CAMK2D: variants seen among roughly 807,000 people sequenced by gnomAD.
The protein encoded by CAMK2D is calcium/calmodulin-dependent protein kinase type II subunit delta.
A neutral mutation model predicts 84.0 loss-of-function variants in CAMK2D; 37 were observed. The ratio of observed to expected loss-of-function variants is 0.44; its 90% CI spans 0.34 to 0.58. The LOEUF (loss-of-function observed/expected upper bound fraction) is 0.58, where lower values mean the gene tolerates loss of function less well. CAMK2D is among the 20% of genes least tolerant of loss of function. The probability of loss-of-function intolerance (pLI) is 0.02; values close to 1 mark genes in which losing one functional copy is unlikely to be tolerated. For missense variants in CAMK2D, 448 were observed against 652.5 expected (o/e 0.69, Z 3.41); for synonymous variants, 202 against 212.5 (o/e 0.95, Z 0.43).
intron 16 of CAMK2D, among the ~76,000 whole-genome samples, chr4:113,494,022 G>A (rs1313682770): frequency 6.6e-6 from 1 of 152,082 alleles, no homozygotes; most frequent in Non-Finnish European, 1.5e-5. Context: ...CTCTGTATTG[G>A]TTATTCTAGT....
intron 2 of CAMK2D, among the ~76,000 whole-genome samples, chr4:113,725,335 T>C (rs2099542701): frequency 6.6e-6 from 1 of 152,028 alleles, no homozygotes; most frequent in African/African-American, 2.4e-5. Context: ...TTTTGCAGAG[T>C]GGAAACAGGG....
intron 2 of CAMK2D, among the ~76,000 whole-genome samples, chr4:113,664,481 G>A (rs2099249969): frequency 6.6e-6 from 1 of 152,182 alleles, no homozygotes; most frequent in Admixed American, 6.5e-5. Context: ...TGGCATAGTT[G>A]TTGGCAGTAC....
At position 113,454,366 on chromosome 4, in the gene CAMK2D, A is replaced by C; in HGVS notation, c.*179T>G. The C allele has an allele frequency of 1.7e-6, 1 of 585,372 alleles. No homozygotes were observed. Among genetic ancestry groups the C allele is most frequent in the Non-Finnish European group, 3.2e-6 (1 of 316,058 alleles). The allele number at this position is 585,372 out of a possible 1,614,324, so 36.3% of individuals were successfully genotyped here. On this transcript the variant is annotated 3_prime_UTR_variant, in exon 21 of 21. Transcript: ENST00000511664. ...CAATGTATAGGAAGGAATATATGAT[A>C]AGATGATGCATCACATATGCATTAC...
At chr4:113,619,713 A>G (rs1447034808) in intron 3 of CAMK2D, among the ~76,000 whole-genome samples, 2 of 152,188 alleles carry the variant, frequency 1.3e-5, no homozygotes, top group African/African-American at 4.8e-5. Context: ...TTTTGTAAAT[A>G]CAGATTTTTT....
intron 8 of CAMK2D, among the ~76,000 whole-genome samples, chr4:113,521,514 G>A (rs139350343): frequency 2.4e-4 from 37 of 152,146 alleles, no homozygotes; most frequent in African/African-American, 8.7e-4. Context: ...ATAGTATCTA[G>A]AGACCAAGAT....
intron 2 of CAMK2D, among the ~76,000 whole-genome samples, chr4:113,743,409 G>A (rs2099597137): frequency 6.6e-6 from 1 of 152,156 alleles, no homozygotes; most frequent in Non-Finnish European, 1.5e-5. Context: ...TAGATTCAAG[G>A]CCTGTACCTG....
intron 12 of CAMK2D, among the ~76,000 whole-genome samples, chr4:113,511,205 G>C (rs114764507): frequency 0.011 from 1,685 of 152,194 alleles, 31 homozygotes; most frequent in African/African-American, 0.038. Context: ...GAGCATGTTT[G>C]GCAATGAAAT....
In CAMK2D at chr4:113,462,338, G is replaced by GTCTATCTATCTATCTA. The variant is rs1215010791; in HGVS notation, c.1212-2113_1212-2098dup. On this transcript the variant is annotated intron_variant, in intron 17 of 20. Coordinates refer to ENST00000511664, the MANE Select transcript of CAMK2D (RefSeq NM_001321571.2). ...TGTCTGTCTGTCTGTCTGTCTGTCT[G>GTCTATCTATCTATCTA]TCTATCTATCTATCTATCTATCTAT... Among the ~76,000 whole-genome samples, 356 of 130,462 alleles carry GTCTATCTATCTATCTA rather than the reference G, an allele frequency of 2.7e-3. 3 individuals are homozygous for GTCTATCTATCTATCTA. The highest frequency in any genetic ancestry group is 6.4e-3 in the African/African-American group (215 of 33,548). The allele number at this position is 130,462 out of a possible 152,430, so 85.6% of individuals were successfully genotyped here.
chr4:113,534,380 ACT>A (rs1380876246), intron 7 of CAMK2D, among the ~76,000 whole-genome samples: 4 of 152,126 alleles, frequency 2.6e-5, no homozygotes, highest in Non-Finnish European at 2.9e-5. Flanking sequence ...AAGTTTAGAC[ACT>A]CTGTTTTTCT....
At chr4:113,512,823 G>A (rs1020698920) in intron 12 of CAMK2D, among the ~76,000 whole-genome samples, 4 of 152,022 alleles carry the variant, frequency 2.6e-5, no homozygotes, top group Non-Finnish European at 5.9e-5. Flanking sequence ...CACCTGCCTC[G>A]GCCTCCCAAA....
intron 2 of CAMK2D, among the ~76,000 whole-genome samples, chr4:113,705,711 C>G (rs1210982429): frequency 6.6e-6 from 1 of 152,178 alleles, no homozygotes; most frequent in Non-Finnish European, 1.5e-5. Flanking sequence ...CTCCATAGAT[C>G]TCCTTAGACT....
At chr4:113,562,761 G>C (rs1375401536) in intron 4 of CAMK2D, among the ~76,000 whole-genome samples, 1 of 152,116 alleles carries the variant, frequency 6.6e-6, no homozygotes. Context: ...CAAGTGTTAG[G>C]CAACTAATTT....
rs562912419 is a variant in CAMK2D at position 113,503,023 on chromosome 4, T to C, written c.1045-46A>G. On this transcript the variant is annotated intron_variant, in intron 14 of 20. Coordinates refer to ENST00000511664, the MANE Select transcript of CAMK2D (RefSeq NM_001321571.2). ...GAAAGAAACAGTTCGCATTGGTAAG[T>C]ACATTCTTTCTAGTGTGAAGGACAG... 4 of 1,360,206 alleles carry C rather than the reference T, an allele frequency of 2.9e-6. No homozygotes were observed. In the African/African-American group the frequency reaches 4.3e-5, roughly 15 times the overall value. 84.3% of individuals were successfully genotyped at this position (1,360,206 alleles called of 1,614,324 possible).
intron 2 of CAMK2D, among the ~76,000 whole-genome samples, chr4:113,667,879 A>G (rs1208185150): frequency 6.6e-6 from 1 of 152,182 alleles, no homozygotes; most frequent in African/African-American, 2.4e-5. Flanking sequence ...TCCTACAACT[A>G]TATAGGATGA....
At chr4:113,576,392 A>C (rs2098782620) in intron 4 of CAMK2D, among the ~76,000 whole-genome samples, 1 of 87,144 alleles carries the variant, frequency 1.1e-5, no homozygotes, top group African/African-American at 3.2e-5. Context: ...ATAGAGACTT[A>C]AAACAATGAA....
intron 2 of CAMK2D, among the ~76,000 whole-genome samples, chr4:113,750,683 T>C (rs945433855): frequency 6.6e-6 from 1 of 152,220 alleles, no homozygotes; most frequent in Non-Finnish European, 1.5e-5. Context: ...GCAACTATTA[T>C]CTACCAAACC....
chr4:113,527,816 T>A (rs1334785983), intron 8 of CAMK2D, among the ~76,000 whole-genome samples: 6 of 152,198 alleles, frequency 3.9e-5, no homozygotes, highest in Non-Finnish European at 8.8e-5. Flanking sequence ...GATGTTTTGA[T>A]ATTTACAGAT....
chr4:113,677,753 A>G (rs980761431), intron 2 of CAMK2D: 3 of 152,530 alleles, frequency 2.0e-5, no homozygotes, highest in Admixed American at 2.0e-4. Flanking sequence ...ATATGAGCTG[A>G]ATGACAGGCA....
chr4:113,542,860 ATCTC>A lies in CAMK2D; in HGVS notation c.414+4780_414+4783del, dbSNP rs778171616. ...ACATCTCCAAATTCTCTTCATTAAA[ATCTC>A]TCTCTTTCTCTCTCTCTCATATTCA... On this transcript the variant is annotated intron_variant, in intron 6 of 20. Transcript: ENST00000511664. Among the ~76,000 whole-genome samples the A allele has an allele frequency of 3.3e-5, 5 of 152,098 alleles. No homozygotes were observed. In the East Asian group the frequency reaches 5.8e-4, roughly 18 times the overall value.
Sources: gnomAD v4.1 joint callset for allele counts (sites outside exome capture counted in the v4.1 genomes callset) on GRCh38, gnomAD v4.1.1 for gene constraint, MANE v1.5 for transcripts, NCBI Gene and HGNC (gene_info 2026-07-23, HGNC 2026-07-21) for gene names.